The following NINL variants were observed in gnomAD, a reference collection of about 807,000 sequenced individuals.
NINL encodes ninein-like protein.
NINL carries 153 observed loss-of-function variants against 160.3 expected under a neutral mutation model. That is an observed-to-expected ratio of 0.95 (90% CI 0.84 to 1.09). The LOEUF (loss-of-function observed/expected upper bound fraction) is 1.09, where lower values mean the gene tolerates loss of function less well. Among genes scored for constraint, NINL ranks in the 50% least tolerant of loss-of-function variants. NINL has a pLI of 0.00. For synonymous variants in NINL, 800 were observed against 734.8 expected (o/e 1.09, Z -1.43); for missense variants, 1,829 against 1,764.0 (o/e 1.04, Z -0.66).
rs573137581 is a variant in NINL at position 25,509,216 on chromosome 20, T to G, written c.517+1458A>C. On this transcript the variant is annotated intron_variant, in intron 5 of 23. Transcript: ENST00000278886. ...GACAGTTGACTATCTTCAGCCGCCA[T>G]GCTGTAAGGAAGCCCAGCCACGCTG... is the stretch of plus-strand genomic sequence containing the variant. 2.0e-5 allele frequency among the ~76,000 whole-genome samples: 3 copies of G among 152,298 alleles called. No homozygotes were observed. The South Asian group carries it at 6.2e-4, about 32-fold the overall frequency.
Position 25,453,060 on chromosome 20 carries a change from C to A in NINL, c.*391G>T, listed in dbSNP as rs2090571924. Reference sequence around the variant, plus strand: ...AAAGCAGAACAGTGAAATGGCAAAACTGTACAGAGCCCTGACTTTACATTT... The same window carrying A: ...AAAGCAGAACAGTGAAATGGCAAAAATGTACAGAGCCCTGACTTTACATTT... On this transcript the variant is annotated 3_prime_UTR_variant, in exon 24 of 24. Transcript: ENST00000278886. 4 of 159,016 alleles carry A rather than the reference C, an allele frequency of 2.5e-5. No homozygotes were observed. In the Admixed American group the frequency reaches 2.6e-4, roughly 10 times the overall value. The allele number at this position is 159,016 out of a possible 1,614,324, so 9.9% of individuals were successfully genotyped here.
At position 25,572,215 on chromosome 20, in the gene NINL, G is replaced by A. The variant is rs1488893978; in HGVS notation, c.-12+13240C>T. On this transcript the variant is annotated intron_variant, in intron 1 of 23. Transcript: ENST00000278886. Reference sequence around the variant, plus strand: ...TTTGCACATTTTGCCATTCTGAGTAGTTTTTTTTTTTTAATGAGACAATTG... The same window carrying A: ...TTTGCACATTTTGCCATTCTGAGTAATTTTTTTTTTTTAATGAGACAATTG... 6.4e-5 allele frequency among the ~76,000 whole-genome samples: 9 copies of A among 141,662 alleles called. No individual in the cohort carries two copies. In the East Asian group the frequency reaches 2.0e-3, roughly 31 times the overall value. 92.9% of individuals were successfully genotyped at this position (141,662 alleles called of 152,430 possible). A position where few individuals can be genotyped will look rare whatever the true frequency, so the allele number is the denominator to read the frequency against.
chr20:25,567,771 T>C (rs968582722), intron 1 of NINL, among the ~76,000 whole-genome samples: 5 of 152,050 alleles, frequency 3.3e-5, no homozygotes, highest in African/African-American at 9.7e-5. Flanking sequence ...AATTCAGTAA[T>C]AGAAAGATGC....
At position 25,476,510 on chromosome 20, in the gene NINL, G is replaced by C. The variant is rs367966864; in HGVS notation, c.2781C>G (p.Gly927=). The C allele has an allele frequency of 3.7e-6, 6 of 1,602,446 alleles. No individual in the cohort carries two copies. Among genetic ancestry groups the C allele is most frequent in the Non-Finnish European group, 5.1e-6 (6 of 1,179,818 alleles). Residue 927 remains glycine, a synonymous_variant, in exon 17 of 24, where the codon GGC becomes GGG. Coordinates refer to ENST00000278886, the MANE Select transcript of NINL (RefSeq NM_025176.6). ...GCTGCTCCAGCCCCGCTGCGCTCGC[G>C]CCGAAAGGCTCTGGCTCCTTTGGGA... ...DIVPKEPEPF[G]ASAAGLEQPG...
At chr20:25,557,687 A>T (rs1053510498) in intron 1 of NINL, among the ~76,000 whole-genome samples, 4 of 152,214 alleles carry the variant, frequency 2.6e-5, no homozygotes, top group African/African-American at 4.8e-5. Context: ...AATAAAAGAG[A>T]GAAATGGACA....
chr20:25,473,716 AC>A (rs1201235817), intron 17 of NINL, among the ~76,000 whole-genome samples: 2 of 135,932 alleles, frequency 1.5e-5, no homozygotes, highest in Non-Finnish European at 1.6e-5. Flanking sequence ...ACACACACAC[AC>A]ATCAGCTGGG....
At chr20:25,549,109 AC>A (rs2064776097) in intron 1 of NINL, among the ~76,000 whole-genome samples, 1 of 97,864 alleles carries the variant, frequency 1.0e-5, no homozygotes, top group African/African-American at 4.3e-5. Flanking sequence ...CCCAGGCCTG[AC>A]CCCGGCACCC....
rs146439964 is a variant in NINL at position 25,453,512 on chromosome 20, T to C, written c.4088A>G (p.Glu1363Gly). The C allele has an allele frequency of 7.1e-4, 1,143 of 1,614,110 alleles. 12 individuals carry two copies. The East Asian group carries it at 0.025, about 35-fold the overall frequency. Residue 1363 changes from glutamate to glycine, a missense_variant, in exon 24 of 24, where the codon GAA becomes GGA. Physicochemically the swap from Glu to Gly is moderately conservative, Grantham distance 98. Transcript: ENST00000278886. ...GAGTTTGTTGAGAGCGCGAACTTTT[T>C]CTTCCAAGAGGCGGCTTTGTTTCTC... ...GAEKQSRLLE[E>G]KVRALNKLVS... is the part of the protein sequence containing the mutation.
chr20:25,517,896 C>A (rs773655710), intron 2 of NINL, 47 bp from the exon 3 acceptor site: 12 of 1,247,144 alleles, frequency 9.6e-6, no homozygotes, highest in Non-Finnish European at 1.2e-5. Context: ...TTCAACAGAT[C>A]ACACAATTCA....
At chr20:25,474,114 T>G (rs1006885357) in intron 17 of NINL, among the ~76,000 whole-genome samples, 1 of 152,208 alleles carries the variant, frequency 6.6e-6, no homozygotes, top group African/African-American at 2.4e-5. Context: ...TAATCACAAG[T>G]GTCCTTAGAG....
chr20:25,484,871 T>C (rs567933840), intron 13 of NINL, among the ~76,000 whole-genome samples: 21 of 152,272 alleles, frequency 1.4e-4, no homozygotes, highest in Non-Finnish European at 2.8e-4. Context: ...GTAATATTAA[T>C]AGTTGCAGGG....
In NINL at chr20:25,527,617, G is replaced by A. The variant is rs537663433; in HGVS notation, c.-11-1019C>T. Among the ~76,000 whole-genome samples the A allele has an allele frequency of 5.9e-5, 9 of 152,004 alleles. No individual in the cohort carries two copies. In the South Asian group the frequency reaches 1.9e-3, roughly 32 times the overall value. The stretch of plus-strand genomic sequence containing the variant: ...ACTCCAATAAAAATACACAGAGGAT[G>A]TTAATAAATCACAAAAGATATATAT... On this transcript the variant is annotated intron_variant, in intron 1 of 23. Coordinates refer to ENST00000278886, the MANE Select transcript of NINL (RefSeq NM_025176.6).
At chr20:25,475,405 T>C (rs1300095566) in intron 17 of NINL, among the ~76,000 whole-genome samples, 1 of 152,210 alleles carries the variant, frequency 6.6e-6, no homozygotes, top group Non-Finnish European at 1.5e-5. Context: ...AAACTCATTC[T>C]ATGAGGCATT....
chr20:25,524,845 A>G (rs1289873798), intron 2 of NINL, among the ~76,000 whole-genome samples: 3 of 151,564 alleles, frequency 2.0e-5, no homozygotes, highest in South Asian at 4.2e-4. Flanking sequence ...CCAAAGTTTG[A>G]TTTCTAAATT....
intron 20 of NINL, 27 bp downstream of exon 20, chr20:25,462,356 C>G (rs2387889): frequency 0.3 from 483,201 of 1,598,958 alleles, 81,113 homozygotes; most frequent in African/African-American, 0.65. Context: ...GCCTCCAGCT[C>G]AGCTCCCTGC....
At chr20:25,486,865 G>A (rs1476927759) in intron 13 of NINL, among the ~76,000 whole-genome samples, 2 of 152,154 alleles carry the variant, frequency 1.3e-5, no homozygotes, top group African/African-American at 4.8e-5. Context: ...TGCTTTATCT[G>A]GTTCTCTGGC....
At position 25,477,066 on chromosome 20, in the gene NINL, C is replaced by A. The variant is rs1358028854; in HGVS notation, c.2225G>T (p.Ser742Ile). The A allele has an allele frequency of 6.3e-7, 1 of 1,596,978 alleles. No individual in the cohort carries two copies. The highest frequency in any genetic ancestry group is 8.5e-7 in the Non-Finnish European group (1 of 1,179,070). Reference protein sequence around the residue: ...QIRREAEAELSGELSGLGALP... With the variant: ...QIRREAEAELIGELSGLGALP... ...GGCTCCCAGCCCCGACAGCTCTCCA[C>A]TCAGCTCCGCCTCAGCCTCTCTCCT... Residue 742 changes from serine to isoleucine, a missense_variant, in exon 17 of 24, where the codon AGT becomes ATT. By Grantham distance (142) the Ser-to-Ile change is moderately radical. Coordinates refer to ENST00000278886, the MANE Select transcript of NINL (RefSeq NM_025176.6).
rs556261233 is a variant in NINL, at chr20:25,527,726, C to G, written c.-11-1128G>C. 1.9e-3 allele frequency among the ~76,000 whole-genome samples: 289 copies of G among 152,078 alleles called. 1 individual carries two copies. Among genetic ancestry groups the G allele is most frequent in the Non-Finnish European group, 2.6e-3 (176 of 68,008 alleles). The stretch of plus-strand genomic sequence containing the variant: ...CTGTCAAATTATCAAGACTAAAAAT[C>G]CTGGATGCCTCTTGTAAGCAAGGGA... On this transcript the variant is annotated intron_variant, in intron 1 of 23. Coordinates refer to ENST00000278886, the MANE Select transcript of NINL (RefSeq NM_025176.6).
rs376630729 is a variant in NINL at position 25,461,653 on chromosome 20, A to T, written c.3583-18T>A. ...TGGTCACTCTGTTTTTAAAAAATCA[A>T]TTGCACAAGTCAAGAAGTATCTGAA... On this transcript the variant is annotated intron_variant, in intron 20 of 23. Coordinates refer to ENST00000278886, the MANE Select transcript of NINL (RefSeq NM_025176.6). 2 of 1,499,416 alleles carry T rather than the reference A, an allele frequency of 1.3e-6. No homozygotes were observed. The highest frequency in any genetic ancestry group is 9.3e-7 in the Non-Finnish European group (1 of 1,076,444). 92.9% of individuals were successfully genotyped at this position (1,499,416 alleles called of 1,614,324 possible). A position where few individuals can be genotyped will look rare whatever the true frequency, so the allele number is the denominator to read the frequency against.
Sources: allele counts gnomAD v4.1 joint callset (sites outside exome capture counted in the v4.1 genomes callset), GRCh38; gene constraint gnomAD v4.1.1; transcripts MANE v1.5; gene names NCBI Gene and HGNC (gene_info 2026-07-23, HGNC 2026-07-21).